The following SLC35F1 variants were observed in gnomAD, a reference collection of about 807,000 sequenced individuals.
SLC35F1 encodes solute carrier family 35 member F1, also known as chromosome 6 open reading frame 169.
Under a neutral mutation model 48.7 loss-of-function variants are expected in SLC35F1, and 14 were observed. That is an observed-to-expected ratio of 0.29 (90% CI 0.19 to 0.45). The LOEUF is 0.45. Among genes scored for constraint, SLC35F1 ranks in the 20% least tolerant of loss-of-function variants. SLC35F1 has a pLI of 1.00. For synonymous variants in SLC35F1, 190 were observed against 202.2 expected (o/e 0.94, Z 0.51); for missense variants, 404 against 500.0 (o/e 0.81, Z 1.83).
intron 7 of SLC35F1, among the ~76,000 whole-genome samples, chr6:118,301,658 T>C (rs1255131393): frequency 6.6e-6 from 1 of 152,218 alleles, no homozygotes. Context: ...GGCATCTATA[T>C]TGGTAGCTAT....
chr6:118,037,768 A>G (rs1409765808), intron 1 of SLC35F1, among the ~76,000 whole-genome samples: 1 of 152,046 alleles, frequency 6.6e-6, no homozygotes, highest in Non-Finnish European at 1.5e-5. Flanking sequence ...CTAACACAGG[A>G]AAAGAAAACC....
At chr6:117,965,706 T>G (rs971432723) in intron 1 of SLC35F1, among the ~76,000 whole-genome samples, 1 of 152,184 alleles carries the variant, frequency 6.6e-6, no homozygotes, top group South Asian at 2.1e-4. Context: ...GCTTAAATGA[T>G]AGAAATTTAT....
At chr6:117,995,324 G>A (rs1252493438) in intron 1 of SLC35F1, among the ~76,000 whole-genome samples, 2 of 152,140 alleles carry the variant, frequency 1.3e-5, no homozygotes, top group African/African-American at 4.8e-5. Context: ...ATACCAATGA[G>A]AGCCTTCATG....
intron 1 of SLC35F1, among the ~76,000 whole-genome samples, chr6:117,940,653 T>TG (rs1018223391): frequency 3.3e-5 from 5 of 151,552 alleles, no homozygotes; most frequent in Admixed American, 6.6e-5. Context: ...TTCTTTTTTT[T>TG]TGTGTGTGTG....
chr6:118,153,480 C>A (rs1774093670), intron 1 of SLC35F1, among the ~76,000 whole-genome samples: 1 of 152,114 alleles, frequency 6.6e-6, no homozygotes, highest in African/African-American at 2.4e-5. Context: ...CTACTGCTTG[C>A]TTCTATTATA....
intron 1 of SLC35F1, among the ~76,000 whole-genome samples, chr6:118,037,614 C>G (rs1278082926): frequency 6.6e-6 from 1 of 152,046 alleles, no homozygotes; most frequent in Admixed American, 6.6e-5. Context: ...GACTTGAAAC[C>G]AACCCAAATG....
At chr6:118,311,250 G>A (rs926605681) in intron 7 of SLC35F1, among the ~76,000 whole-genome samples, 3 of 152,140 alleles carry the variant, frequency 2.0e-5, no homozygotes, top group African/African-American at 4.8e-5. Context: ...ATGGGTTTTT[G>A]TTGAGCATTT....
intron 1 of SLC35F1, among the ~76,000 whole-genome samples, chr6:118,032,311 T>C (rs1772066117): frequency 6.6e-6 from 1 of 152,190 alleles, no homozygotes; most frequent in South Asian, 2.1e-4. Flanking sequence ...CGTTTACAGA[T>C]ATAAGGACAC....
intron 1 of SLC35F1, among the ~76,000 whole-genome samples, chr6:117,963,664 A>T (rs1228718877): frequency 6.6e-6 from 1 of 152,074 alleles, no homozygotes; most frequent in Non-Finnish European, 1.5e-5. Context: ...TGAATACTTT[A>T]TGTATTTTTA....
At chr6:118,093,627 C>CT (rs1773108410) in intron 1 of SLC35F1, among the ~76,000 whole-genome samples, 1 of 152,204 alleles carries the variant, frequency 6.6e-6, no homozygotes, top group Admixed American at 6.5e-5. Context: ...ATTGTGAGGC[C>CT]TTCCCAGCCA....
intron 2 of SLC35F1, among the ~76,000 whole-genome samples, chr6:118,202,846 C>T (rs548983490): frequency 6.6e-5 from 10 of 152,276 alleles, no homozygotes; most frequent in South Asian, 2.1e-4. Context: ...AAGGCCTCTC[C>T]GAGGAGATGA....
chr6:118,056,118 T>C (rs1471014419), intron 1 of SLC35F1, among the ~76,000 whole-genome samples: 1 of 152,232 alleles, frequency 6.6e-6, no homozygotes, highest in African/African-American at 2.4e-5. Flanking sequence ...TCTAAGTGTT[T>C]GTGTTGCCTC....
At chr6:118,038,074 G>A (rs1431669909) in intron 1 of SLC35F1, among the ~76,000 whole-genome samples, 1 of 152,024 alleles carries the variant, frequency 6.6e-6, no homozygotes, top group African/African-American at 2.4e-5. Flanking sequence ...TAGCTATCTT[G>A]CAGCCATATA....
intron 2 of SLC35F1, among the ~76,000 whole-genome samples, chr6:118,231,546 T>TA (rs1775293172): frequency 6.6e-6 from 1 of 152,154 alleles, no homozygotes; most frequent in Non-Finnish European, 1.5e-5. Context: ...TAGCCAAAAA[T>TA]AAAAAAGCCT....
chr6:118,148,411 A>T (rs1774006976), intron 1 of SLC35F1, among the ~76,000 whole-genome samples: 2 of 152,228 alleles, frequency 1.3e-5, no homozygotes, highest in Non-Finnish European at 2.9e-5. Flanking sequence ...TGAATATCTA[A>T]TTTGTAACAC....
At position 118,313,638 on chromosome 6, in the gene SLC35F1, G is replaced by A. The variant is rs1776396491; in HGVS notation, c.1003-390G>A. On this transcript the variant is annotated intron_variant, in intron 7 of 7. Transcript: ENST00000360388. ...TTTATGGCTTCATTACAACCCTAAA[G>A]GGGATATCTGTATTTCTCTAGGTTT... Among the ~76,000 whole-genome samples the A allele has an allele frequency of 2.0e-5, 3 of 152,304 alleles. 1 individual carries two copies. Among genetic ancestry groups the A allele is most frequent in the South Asian group, 4.1e-4 (2 of 4,830 alleles).
At chr6:118,127,537 T>C (rs999130680) in intron 1 of SLC35F1, among the ~76,000 whole-genome samples, 5 of 152,006 alleles carry the variant, frequency 3.3e-5, no homozygotes, top group African/African-American at 9.7e-5. Flanking sequence ...TTTGACAAAC[T>C]TGAGAAAAAC....
At chr6:118,279,320 G>T (rs1347221187) in intron 6 of SLC35F1, among the ~76,000 whole-genome samples, 1 of 152,132 alleles carries the variant, frequency 6.6e-6, no homozygotes, top group Admixed American at 6.5e-5. Flanking sequence ...CCTCAAAGGG[G>T]AATCAAATAC....
intron 3 of SLC35F1, among the ~76,000 whole-genome samples, chr6:118,265,608 C>T (rs977926210): frequency 2.0e-5 from 3 of 152,100 alleles, no homozygotes; most frequent in African/African-American, 4.8e-5. Context: ...GAAGGAGAGG[C>T]TTGTTCCATG....
Sources: gnomAD v4.1 joint callset for allele counts (sites outside exome capture counted in the v4.1 genomes callset) on GRCh38, gnomAD v4.1.1 for gene constraint, MANE v1.5 for transcripts, NCBI Gene and HGNC (gene_info 2026-07-23, HGNC 2026-07-21) for gene names.